STEEP1: variants seen among roughly 807,000 people sequenced by gnomAD.
STEEP1 encodes STING ER exit protein.
A neutral mutation model predicts 19.2 loss-of-function variants in STEEP1; 3 were observed. The observed-to-expected ratio is 0.16, with a 90% CI of 0.07 to 0.40. The LOEUF is 0.40. Ranked by LOEUF, STEEP1 falls within the 10% of genes least tolerant of loss-of-function variation. The pLI, the probability that STEEP1 is intolerant of heterozygous loss-of-function variation, is 0.99. For missense variants in STEEP1, 54 were observed against 177.1 expected (o/e 0.30, Z 3.94); for synonymous variants, 46 against 63.7 (o/e 0.72, Z 1.32).
At chrX:119,547,901 G>C (rs2053216376) in intron 2 of STEEP1, among the ~76,000 whole-genome samples, 1 of 111,785 alleles carries the variant, frequency 8.9e-6, no homozygotes, top group African/African-American at 3.3e-5. Flanking sequence ...GCCGGACGTG[G>C]TAGCTCATAC....
At position 119,542,055 on chromosome X, in the gene STEEP1, CTTTTTTTTTTTTTTTTTTTTT is replaced by C. The variant is rs201339708; in HGVS notation, c.513+429_513+449del. On this transcript the variant is annotated intron_variant, in intron 5 of 6. Transcript: ENST00000644802. ...TCACTGTCAGAGTTTCTTTTCTTTT[CTTTTTTTTTTTTTTTTTTTTT>C]TTTTTTTTTGAGACAGAGACCCGCT... Among the ~76,000 whole-genome samples, 10 of 82,893 alleles carry C rather than the reference CTTTTTTTTTTTTTTTTTTTTT, an allele frequency of 1.2e-4. 1 individual carries two copies. The highest frequency in any genetic ancestry group is 6.3e-4 in the South Asian group (1 of 1,592). The allele number at this position is 82,893 out of a possible 115,157, so 72.0% of individuals were successfully genotyped here.
chrX:119,558,314 C>A (rs1031033306), intron 2 of STEEP1, among the ~76,000 whole-genome samples: 25 of 110,912 alleles, frequency 2.3e-4, no homozygotes, highest in African/African-American at 7.9e-4. Context: ...GCAGACAGAC[C>A]ACGAGGTCAG....
At chrX:119,553,879 AATGT>A (rs2053261192) in intron 2 of STEEP1, among the ~76,000 whole-genome samples, 1 of 112,239 alleles carries the variant, frequency 8.9e-6, no homozygotes, top group Non-Finnish European at 1.9e-5. Context: ...AGTTTATAAA[AATGT>A]ATCTATTTCT....
rs762663991 is a variant in STEEP1, at chrX:119,565,381, C to A, written c.-26G>T. On this transcript the variant is annotated 5_prime_UTR_variant, in exon 1 of 7. Transcript: ENST00000644802. ...GATTCCCAAGAGCAATCTGAAAACT[C>A]TACGCCAAGAAGAGGGTCGCCCCGA... 7 of 1,140,602 alleles carry A rather than the reference C, an allele frequency of 6.1e-6. No homozygotes were observed. The Admixed American group carries it at 6.9e-5, about 11-fold the overall frequency. The allele number at this position is 1,140,602 out of a possible 1,213,427, so 94.0% of individuals were successfully genotyped here.
At chrX:119,550,461 A>G (rs1603306114) in intron 2 of STEEP1, among the ~76,000 whole-genome samples, 1 of 111,579 alleles carries the variant, frequency 9.0e-6, no homozygotes, top group African/African-American at 3.3e-5. Context: ...ATTAAGGGGG[A>G]AAAACTCAGT....
At chrX:119,546,295 G>A (rs2053204734) in intron 2 of STEEP1, among the ~76,000 whole-genome samples, 1 of 109,414 alleles carries the variant, frequency 9.1e-6, no homozygotes, top group African/African-American at 3.3e-5. Flanking sequence ...ATAAAAATTA[G>A]CTGGGCGTGG....
At chrX:119,556,169 C>A (rs775148823) in intron 2 of STEEP1, among the ~76,000 whole-genome samples, 2 of 110,963 alleles carry the variant, frequency 1.8e-5, no homozygotes, top group Non-Finnish European at 3.8e-5. Context: ...TTGAAGTCAC[C>A]CATCAGCTGA....
chrX:119,558,955 C>T (rs1193749997), intron 2 of STEEP1, among the ~76,000 whole-genome samples: 3 of 110,589 alleles, frequency 2.7e-5, no homozygotes, highest in Non-Finnish European at 5.7e-5. Context: ...AGTGGCTCAC[C>T]CCTCTAATCC....
In STEEP1 at chrX:119,545,612, G is replaced by A. The variant is rs184336844; in HGVS notation, c.243-108C>T. 621 of 535,000 alleles carry A rather than the reference G, an allele frequency of 1.2e-3. 2 individuals carry two copies. Among genetic ancestry groups the A allele is most frequent in the Middle Eastern group, 3.2e-3 (7 of 2,181 alleles). 44.1% of individuals were successfully genotyped at this position (535,000 alleles called of 1,213,427 possible). The stretch of plus-strand genomic sequence containing the variant: ...GAGGCCCTTTCAAAAGTTTTCATTT[G>A]GGGGCCGGGCACGGTGGCTCACGCC... On this transcript the variant is annotated intron_variant, in intron 2 of 6. Transcript: ENST00000644802.
chrX:119,544,627 CA>C, intron 3 of STEEP1, 136 bp from the exon 4 acceptor site: 1 of 576,068 alleles, frequency 1.7e-6, no homozygotes. Context: ...CAGTGTCTCC[CA>C]AAACTACCTC....
chrX:119,562,807 G>A (rs1034557464), intron 1 of STEEP1, among the ~76,000 whole-genome samples: 13 of 111,720 alleles, frequency 1.2e-4, no homozygotes, highest in African/African-American at 4.2e-4. Flanking sequence ...TATTAAGCAG[G>A]GTAAGAGGAC....
At chrX:119,542,045 CTTTTCTTTTCTTTTTTTTT>C (rs2053164660) in intron 5 of STEEP1, among the ~76,000 whole-genome samples, 1 of 59,213 alleles carries the variant, frequency 1.7e-5, no homozygotes, top group African/African-American at 7.0e-5. Context: ...GTCAGAGTTT[CTTTTCTTTTCTTTTTTTTT>C]TTTTTTTTTT....
chrX:119,556,061 G>A (rs921189648), intron 2 of STEEP1, among the ~76,000 whole-genome samples: 3 of 111,541 alleles, frequency 2.7e-5, no homozygotes, highest in African/African-American at 6.5e-5. Context: ...AATTCTTGTG[G>A]CCTCTCCTTC....
intron 2 of STEEP1, among the ~76,000 whole-genome samples, chrX:119,548,770 C>T (rs2053224916): frequency 9.0e-6 from 1 of 111,211 alleles, no homozygotes; most frequent in Non-Finnish European, 1.9e-5. Flanking sequence ...CTCTCATGCT[C>T]ATTGCAGCAT....
intron 1 of STEEP1, among the ~76,000 whole-genome samples, chrX:119,562,236 A>C (rs1385756402): frequency 1.8e-5 from 2 of 111,771 alleles, no homozygotes; most frequent in African/African-American, 6.5e-5. Flanking sequence ...GTCTCTCCTA[A>C]AAATACAAAA....
chrX:119,544,969 G>A (rs760049698), intron 3 of STEEP1, among the ~76,000 whole-genome samples: 2 of 110,249 alleles, frequency 1.8e-5, no homozygotes, highest in South Asian at 3.9e-4. Flanking sequence ...TTTCTGGCCA[G>A]CTGGTCAAAG....
intron 2 of STEEP1, 32 bp downstream of exon 2, chrX:119,560,236 G>C: frequency 1.0e-6 from 1 of 1,001,420 alleles, no homozygotes; most frequent in East Asian, 3.0e-5. Context: ...ACACAATAGG[G>C]AAATCCTAAA....
intron 2 of STEEP1, among the ~76,000 whole-genome samples, chrX:119,547,270 C>T (rs1392241943): frequency 8.9e-6 from 1 of 111,762 alleles, no homozygotes; most frequent in Non-Finnish European, 1.9e-5. Flanking sequence ...TATAGATAAA[C>T]CAAAATGTCT....
At chrX:119,545,352 C>CAA (rs372221185) in intron 3 of STEEP1, 111 bp downstream of exon 3, 642 of 371,111 alleles carry the variant, frequency 1.7e-3, no homozygotes, top group Non-Finnish European at 2.1e-3. Context: ...GACTCTGTCT[C>CAA]AAAAAAAAAA....
Sources: gnomAD v4.1 joint callset for allele counts (sites outside exome capture counted in the v4.1 genomes callset) on GRCh38, gnomAD v4.1.1 for gene constraint, MANE v1.5 for transcripts, NCBI Gene and HGNC (gene_info 2026-07-23, HGNC 2026-07-21) for gene names.